The following AASDH variants were observed in gnomAD, a reference collection of about 807,000 sequenced individuals.
AASDH encodes the protein aminoadipate-semialdehyde dehydrogenase.
Under a neutral mutation model 102.3 loss-of-function variants are expected in AASDH, and 81 were observed. The ratio of observed to expected loss-of-function variants is 0.79; its 90% CI spans 0.66 to 0.95. The LOEUF is 0.95. Ranked by LOEUF, AASDH falls within the 40% of genes least tolerant of loss-of-function variation. AASDH has a pLI of 0.00. For synonymous variants in AASDH, 398 were observed against 454.0 expected, an observed-to-expected ratio of 0.88 and a Z score of 1.57; for missense variants, 1,203 against 1,266.2, an observed-to-expected ratio of 0.95 and a Z score of 0.76.
At chr4:56,345,031 T>A in intron 12 of AASDH, 96 bp downstream of exon 12, 4 of 1,261,562 alleles carry the variant, frequency 3.2e-6, no homozygotes, top group Middle Eastern at 2.2e-4. Flanking sequence ...AACCTCCACC[T>A]CCCAGGTTCA....
intron 9 of AASDH, among the ~76,000 whole-genome samples, chr4:56,353,201 T>C (rs1749200016): frequency 6.6e-6 from 1 of 152,108 alleles, no homozygotes; most frequent in East Asian, 1.9e-4. Flanking sequence ...ATTTTCTTCA[T>C]CTGTAAATAG....
intron 4 of AASDH, among the ~76,000 whole-genome samples, chr4:56,373,189 G>C (rs1024430971): frequency 4.6e-5 from 7 of 152,140 alleles, no homozygotes; most frequent in African/African-American, 1.7e-4. Flanking sequence ...ACACAAGGTG[G>C]AGTGCAGTGG....
intron 10 of AASDH, among the ~76,000 whole-genome samples, 159 bp from the exon 11 acceptor site, chr4:56,350,217 G>A (rs1183427383): frequency 1.3e-5 from 2 of 152,230 alleles, no homozygotes; most frequent in African/African-American, 2.4e-5. Flanking sequence ...TACTCTGGGA[G>A]GCCAAGGCGG....
intron 4 of AASDH, among the ~76,000 whole-genome samples, chr4:56,377,470 G>C (rs1012128217): frequency 2.6e-5 from 4 of 152,196 alleles, no homozygotes; most frequent in African/African-American, 9.7e-5. Context: ...CCAGGCTCCT[G>C]ATCTTTCACT....
In AASDH at chr4:56,349,557, T is replaced by C. The variant is rs1748738852; in HGVS notation, c.2194A>G (p.Lys732Glu). The change falls in exon 11 of 15, where the codon AAA (lysine) becomes GAA (glutamate). Residue 732 changes from lysine (K) to glutamate (E), a missense_variant. Transcript: ENST00000205214. ...LNSPVLIGKS[K>E]DPSCVAKVSE... is the part of the protein sequence containing the mutation. Reference sequence around the variant, plus strand: ...ACTTTTGCAACACAGGATGGATCTTTTGACTTCCCAATAAGAACTGGAGAA... The same window carrying C: ...ACTTTTGCAACACAGGATGGATCTTCTGACTTCCCAATAAGAACTGGAGAA... 3.1e-6 allele frequency: 5 copies of C among 1,614,114 alleles called. No homozygotes were observed. Among genetic ancestry groups the C allele is most frequent in the African/African-American group, 1.3e-5 (1 of 74,944 alleles).
chr4:56,375,091 T>TA (rs912239559), intron 4 of AASDH, among the ~76,000 whole-genome samples: 55 of 151,990 alleles, frequency 3.6e-4, no homozygotes, highest in African/African-American at 9.6e-4. Context: ...TTTTTTTTTT[T>TA]AAGACAGAGT....
intron 5 of AASDH, among the ~76,000 whole-genome samples, chr4:56,366,066 C>G (rs1426918128): frequency 6.6e-6 from 1 of 152,154 alleles, no homozygotes; most frequent in African/African-American, 2.4e-5. Context: ...GAAATACAAA[C>G]TACCATCACA....
chr4:56,351,080 T>C (rs569811170), intron 10 of AASDH, among the ~76,000 whole-genome samples: 2 of 152,362 alleles, frequency 1.3e-5, no homozygotes, highest in South Asian at 4.1e-4. Flanking sequence ...AAAAGTTATG[T>C]CAAAACAGGC....
chr4:56,356,897 C>CA, intron 5 of AASDH: 1 of 946,418 alleles, frequency 1.1e-6, no homozygotes, highest in Non-Finnish European at 1.7e-6. Flanking sequence ...CTCGAAAAGG[C>CA]AAACGCTAAA....
At chr4:56,349,167 T>C in intron 11 of AASDH, 96 bp downstream of exon 11, 3 of 1,304,228 alleles carry the variant, frequency 2.3e-6, no homozygotes, top group East Asian at 2.5e-5. Context: ...ACCAAACCCA[T>C]CATATTTAGA....
intron 7 of AASDH, among the ~76,000 whole-genome samples, 155 bp from the exon 8 acceptor site, chr4:56,354,366 CAAT>C (rs1484909697): frequency 1.3e-5 from 2 of 151,822 alleles, no homozygotes. Flanking sequence ...AAATCAGACA[CAAT>C]AAGTTCAGTA....
intron 5 of AASDH, among the ~76,000 whole-genome samples, chr4:56,355,791 T>A (rs1288813302): frequency 6.6e-6 from 1 of 151,752 alleles, no homozygotes; most frequent in African/African-American, 2.4e-5. Context: ...AGCTAATTTT[T>A]AAAATTTTTT....
intron 5 of AASDH, among the ~76,000 whole-genome samples, chr4:56,363,185 C>A (rs111934645): frequency 0.17 from 25,117 of 152,196 alleles, 2,400 homozygotes; most frequent in Admixed American, 0.3. Flanking sequence ...GAGGGGCGCC[C>A]ACCATCGCCG....
intron 11 of AASDH, 34 bp from the exon 12 acceptor site, chr4:56,345,324 AGATAT>A (rs1215224358): frequency 2.5e-6 from 4 of 1,582,500 alleles, no homozygotes; most frequent in Non-Finnish European, 3.5e-6. Context: ...GATTTGATAT[AGATAT>A]ATTACTGGAA....
intron 9 of AASDH, among the ~76,000 whole-genome samples, chr4:56,353,101 A>G (rs1204389776): frequency 6.6e-6 from 1 of 151,974 alleles, no homozygotes; most frequent in African/African-American, 2.4e-5. Context: ...TCTCGGCCTC[A>G]AGCATCCTCC....
Position 56,360,516 on chromosome 4 carries a change from G to A in AASDH, c.862-5093C>T, listed in dbSNP as rs185701559. ...GAGCAGACCCATACCAGAATGCCAC[G>A]AAGTTCCACTATTTTTACACAAAAT... On this transcript the variant is annotated intron_variant, in intron 5 of 14. Coordinates refer to ENST00000205214, the MANE Select transcript of AASDH (RefSeq NM_181806.4). 2.8e-3 allele frequency among the ~76,000 whole-genome samples: 434 copies of A among 152,292 alleles called. 1 individual carries two copies. The highest frequency in any genetic ancestry group is 4.9e-3 in the Non-Finnish European group (333 of 68,028).
chr4:56,356,281 C>A, intron 5 of AASDH: 3 of 1,102,620 alleles, frequency 2.7e-6, no homozygotes, highest in Non-Finnish European at 4.1e-6. Context: ...CCAAAAGAGA[C>A]CTCACCAGCT....
At chr4:56,359,548 C>T (rs748658032) in intron 5 of AASDH, among the ~76,000 whole-genome samples, 90 of 151,846 alleles carry the variant, frequency 5.9e-4, no homozygotes, top group Non-Finnish European at 1.0e-3. Context: ...AGTCACCTCA[C>T]CGTGCCCGGC....
chr4:56,386,748 G>A (rs887978629), intron 1 of AASDH, among the ~76,000 whole-genome samples: 2 of 123,824 alleles, frequency 1.6e-5, no homozygotes, highest in African/African-American at 3.1e-5. Flanking sequence ...AGCCGAGATT[G>A]CGCCACTGCA....
Sources: allele counts gnomAD v4.1 joint callset (sites outside exome capture counted in the v4.1 genomes callset), GRCh38; gene constraint gnomAD v4.1.1; transcripts MANE v1.5; gene names NCBI Gene and HGNC (gene_info 2026-07-23, HGNC 2026-07-21).